The following NKAIN2 variants were observed in gnomAD, a reference collection of about 807,000 sequenced individuals.
NKAIN2 encodes sodium/potassium transporting ATPase interacting 2.
Under a neutral mutation model 32.6 loss-of-function variants are expected in NKAIN2, and 14 were observed. The observed-to-expected ratio is 0.43, with a 90% CI of 0.28 to 0.67. NKAIN2 has a LOEUF of 0.67. Ranked by LOEUF, NKAIN2 falls within the 30% of genes least tolerant of loss-of-function variation. NKAIN2 has a pLI of 0.17. For synonymous variants in NKAIN2, 80 were observed against 87.2 expected (o/e 0.92, Z 0.46); for missense variants, 198 against 258.3 (o/e 0.77, Z 1.60).
intron 1 of NKAIN2, among the ~76,000 whole-genome samples, chr6:124,240,439 C>CA (rs1195828954): frequency 6.6e-6 from 1 of 151,788 alleles, no homozygotes; most frequent in Non-Finnish European, 1.5e-5. Context: ...AGAGACACAA[C>CA]AAAAAAAGAA....
chr6:124,616,337 T>G (rs1413590026), intron 3 of NKAIN2, among the ~76,000 whole-genome samples: 1 of 151,986 alleles, frequency 6.6e-6, no homozygotes, highest in South Asian at 2.1e-4. Context: ...CTTGGCCATA[T>G]GAGAAGCTGA....
At chr6:124,525,884 CA>C (rs774292758) in intron 3 of NKAIN2, among the ~76,000 whole-genome samples, 2 of 152,040 alleles carry the variant, frequency 1.3e-5, no homozygotes, top group Admixed American at 6.5e-5. Flanking sequence ...ATAAAATAAG[CA>C]AACAGAAAAT....
chr6:124,805,593 C>T (rs981700685), intron 5 of NKAIN2, among the ~76,000 whole-genome samples: 41 of 152,212 alleles, frequency 2.7e-4, no homozygotes, highest in African/African-American at 9.4e-4. Flanking sequence ...ATCTCTCCTC[C>T]TCCAAAGGAT....
intron 1 of NKAIN2, among the ~76,000 whole-genome samples, chr6:124,209,917 G>A (rs917449847): frequency 6.6e-6 from 1 of 151,682 alleles, no homozygotes; most frequent in African/African-American, 2.4e-5. Context: ...TCACTTTTTT[G>A]ATTGCTTCCT....
chr6:124,673,415 T>C (rs1211417705), intron 4 of NKAIN2, among the ~76,000 whole-genome samples: 2 of 152,100 alleles, frequency 1.3e-5, no homozygotes, highest in East Asian at 1.9e-4. Context: ...AAAAGTGAAA[T>C]TGTTGAATGA....
chr6:124,107,284 T>C (rs1289516449), intron 1 of NKAIN2, among the ~76,000 whole-genome samples: 2 of 152,178 alleles, frequency 1.3e-5, no homozygotes, highest in Non-Finnish European at 2.9e-5. Flanking sequence ...GTCAATGAAG[T>C]ATTCAGAACA....
chr6:124,132,944 A>G (rs1205633746), intron 1 of NKAIN2, among the ~76,000 whole-genome samples: 1 of 152,196 alleles, frequency 6.6e-6, no homozygotes. Context: ...CCATGGGACA[A>G]AAGAATCTGA....
At chr6:123,806,748 C>CT (rs975233601) in intron 1 of NKAIN2, among the ~76,000 whole-genome samples, 6 of 151,692 alleles carry the variant, frequency 4.0e-5, no homozygotes, top group African/African-American at 9.7e-5. Context: ...ATTTGGGCAT[C>CT]TTTTTTTTGG....
intron 1 of NKAIN2, among the ~76,000 whole-genome samples, chr6:124,017,687 A>T (rs1173926201): frequency 1.3e-5 from 2 of 152,094 alleles, no homozygotes; most frequent in East Asian, 1.9e-4. Flanking sequence ...CTTTGATTCC[A>T]TGTCTCACAT....
intron 3 of NKAIN2, among the ~76,000 whole-genome samples, chr6:124,423,368 A>G (rs1452330669): frequency 6.6e-6 from 1 of 152,224 alleles, no homozygotes; most frequent in Non-Finnish European, 1.5e-5. Context: ...AGTTTGATCA[A>G]TACATCTTAC....
rs869195660 is a variant in NKAIN2 at position 124,779,318 on chromosome 6, GGGAAGGAAGGAAGGAAGGAAGGAA to G, written c.475-11979_475-11956del. 7.0e-4 allele frequency among the ~76,000 whole-genome samples: 37 copies of G among 53,008 alleles called. No homozygotes were observed. The South Asian group carries it at 0.011, about 15-fold the overall frequency. The allele number at this position is 53,008 out of a possible 152,430, so 34.8% of individuals were successfully genotyped here. ...AAGGAGGGAGGGAGGGAGGGAGGGA[GGGAAGGAAGGAAGGAAGGAAGGAA>G]GGAAGGAAGGAAGGAAGGAAGGAAG... On this transcript the variant is annotated intron_variant, in intron 4 of 6. Transcript: ENST00000368417.
intron 3 of NKAIN2, among the ~76,000 whole-genome samples, chr6:124,539,773 T>A (rs1779843089): frequency 6.6e-6 from 1 of 152,166 alleles, no homozygotes; most frequent in Non-Finnish European, 1.5e-5. Context: ...CAGGCTGGAG[T>A]GCAGTGGCGT....
intron 5 of NKAIN2, among the ~76,000 whole-genome samples, chr6:124,805,517 G>A (rs377228589): frequency 1.3e-5 from 2 of 152,152 alleles, no homozygotes; most frequent in African/African-American, 4.8e-5. Context: ...AAGACCAAAA[G>A]TACATAAAAC....
At chr6:124,213,668 C>T (rs1426615215) in intron 1 of NKAIN2, among the ~76,000 whole-genome samples, 1 of 151,950 alleles carries the variant, frequency 6.6e-6, no homozygotes, top group Non-Finnish European at 1.5e-5. Flanking sequence ...TTGTTATCAA[C>T]ATAGTTTATA....
chr6:124,411,783 G>T (rs934357720), intron 3 of NKAIN2, among the ~76,000 whole-genome samples: 3 of 152,174 alleles, frequency 2.0e-5, no homozygotes, highest in Admixed American at 6.5e-5. Context: ...ATGTTTTCCA[G>T]CTTGGTTCCA....
chr6:124,013,342 G>A (rs1403867192), intron 1 of NKAIN2, among the ~76,000 whole-genome samples: 1 of 152,098 alleles, frequency 6.6e-6, no homozygotes, highest in African/African-American at 2.4e-5. Context: ...TATAGAGTGT[G>A]TTTTTGTTGT....
intron 3 of NKAIN2, among the ~76,000 whole-genome samples, chr6:124,455,734 G>T (rs11963422): frequency 1.9e-3 from 289 of 151,952 alleles, no homozygotes; most frequent in Non-Finnish European, 3.2e-3. Context: ...ATGTTGACAA[G>T]TTGGTATTCT....
intron 3 of NKAIN2, among the ~76,000 whole-genome samples, chr6:124,445,666 TATA>T (rs1775859607): frequency 6.6e-6 from 1 of 151,868 alleles, no homozygotes; most frequent in South Asian, 2.1e-4. Flanking sequence ...GCAACAATGA[TATA>T]ATAAATGCTG....
chr6:124,055,815 A>T (rs2114843716), intron 1 of NKAIN2, among the ~76,000 whole-genome samples: 1 of 152,230 alleles, frequency 6.6e-6, no homozygotes, highest in African/African-American at 2.4e-5. Flanking sequence ...ATTTTAGGAA[A>T]TAAATGCCAG....
Sources: allele counts gnomAD v4.1 joint callset (sites outside exome capture counted in the v4.1 genomes callset), GRCh38; gene constraint gnomAD v4.1.1; transcripts MANE v1.5; gene names NCBI Gene and HGNC (gene_info 2026-07-23, HGNC 2026-07-21).